IQGAP2: variants seen among roughly 807,000 people sequenced by gnomAD.
IQGAP2 encodes ras GTPase-activating-like protein IQGAP2.
In IQGAP2, 173 loss-of-function variants were observed where a neutral mutation model predicts 201.3. The observed-to-expected ratio is 0.86, with a 90% CI of 0.76 to 0.98. The LOEUF is 0.98. IQGAP2 is among the 50% of genes least tolerant of loss of function. The pLI, the probability that IQGAP2 is intolerant of heterozygous loss-of-function variation, is 0.00. For missense variants in IQGAP2, 1,687 were observed against 1,864.8 expected (o/e 0.90, Z 1.76); for synonymous variants, 675 against 673.9 (o/e 1.00, Z -0.03).
At chr5:76,593,551 T>A (rs1746806731) in intron 9 of IQGAP2, among the ~76,000 whole-genome samples, 1 of 152,180 alleles carries the variant, frequency 6.6e-6, no homozygotes, top group South Asian at 2.1e-4. Context: ...AAAATAAGCG[T>A]ATGCAGGTTG....
intron 1 of IQGAP2, among the ~76,000 whole-genome samples, chr5:76,456,321 C>T (rs547165442): frequency 3.9e-5 from 6 of 152,272 alleles, no homozygotes; most frequent in African/African-American, 1.2e-4. Context: ...CTAACAACTT[C>T]GGCCTAGGGT....
chr5:76,498,601 G>A lies in IQGAP2; in HGVS notation c.146+36932G>A, dbSNP rs184209445. ...CTCAGTTTTCTCCTTTGTGAAATAG[G>A]GAGACTCCCTTCTCTTAGGGTTTTT... On this transcript the variant is annotated intron_variant, in intron 2 of 35. Coordinates refer to ENST00000274364, the MANE Select transcript of IQGAP2 (RefSeq NM_006633.5). Among the ~76,000 whole-genome samples the A allele has an allele frequency of 6.9e-4, 105 of 152,270 alleles. 1 individual carries two copies. Among genetic ancestry groups the A allele is most frequent in the Middle Eastern group, 3.4e-3 (1 of 294 alleles).
chr5:76,618,437 G>A, intron 13 of IQGAP2: 1 of 1,614,184 alleles, frequency 6.2e-7, no homozygotes, highest in Non-Finnish European at 8.5e-7. Context: ...TACTTAAGGA[G>A]CTGGTCAGGT....
intron 1 of IQGAP2, among the ~76,000 whole-genome samples, chr5:76,458,103 T>G (rs1754211284): frequency 6.6e-6 from 1 of 152,228 alleles, no homozygotes; most frequent in Non-Finnish European, 1.5e-5. Flanking sequence ...CAGGAGGTAC[T>G]GGGCAAAGAA....
chr5:76,461,127 C>T (rs1317423389), intron 1 of IQGAP2, among the ~76,000 whole-genome samples: 3 of 151,968 alleles, frequency 2.0e-5, no homozygotes, highest in Non-Finnish European at 2.9e-5. Context: ...ATCCGCCCAC[C>T]TCAGCCTTCC....
At chr5:76,505,152 C>T (rs756348252) in intron 2 of IQGAP2, among the ~76,000 whole-genome samples, 8 of 152,212 alleles carry the variant, frequency 5.3e-5, no homozygotes, top group Non-Finnish European at 8.8e-5. Context: ...AGGGCTTTGT[C>T]TTTGCTTACA....
chr5:76,700,577 A>T (rs1020952413), intron 33 of IQGAP2, among the ~76,000 whole-genome samples: 4 of 152,212 alleles, frequency 2.6e-5, no homozygotes, highest in African/African-American at 9.7e-5. Flanking sequence ...GAGCTACATG[A>T]TATAGTATAT....
chr5:76,595,767 A>AG (rs1491248188), intron 9 of IQGAP2, among the ~76,000 whole-genome samples: 3 of 141,586 alleles, frequency 2.1e-5, no homozygotes, highest in South Asian at 4.3e-4. Context: ...TCAAAAAAAG[A>AG]AAGAGAGAGA....
At chr5:76,703,698 C>T (rs1288620028) in intron 35 of IQGAP2, among the ~76,000 whole-genome samples, 1 of 150,888 alleles carries the variant, frequency 6.6e-6, no homozygotes. Flanking sequence ...GTTCATCTGC[C>T]CCCAACTTCT....
At chr5:76,532,607 T>A (rs1279589703) in intron 2 of IQGAP2, among the ~76,000 whole-genome samples, 1 of 152,148 alleles carries the variant, frequency 6.6e-6, no homozygotes. Flanking sequence ...ATGAGGGTTC[T>A]TCAAAGACTC....
At chr5:76,700,459 G>A (rs1338726548) in intron 33 of IQGAP2, among the ~76,000 whole-genome samples, 1 of 152,034 alleles carries the variant, frequency 6.6e-6, no homozygotes. Flanking sequence ...CCAAGATCAC[G>A]CCACTGCACT....
chr5:76,623,252 T>A, intron 13 of IQGAP2: 1 of 1,613,634 alleles, frequency 6.2e-7, no homozygotes, highest in African/African-American at 1.3e-5. Flanking sequence ...GAGTCCCGTC[T>A]CTTAAACGTT....
intron 13 of IQGAP2, among the ~76,000 whole-genome samples, chr5:76,624,704 T>C (rs1158873626): frequency 6.6e-6 from 1 of 152,216 alleles, no homozygotes; most frequent in East Asian, 1.9e-4. Context: ...ATGTTGAACC[T>C]GGCTGTTTAA....
At chr5:76,684,012 G>T in intron 30 of IQGAP2, 95 bp downstream of exon 30, 1 of 1,114,430 alleles carries the variant, frequency 9.0e-7, no homozygotes, top group Non-Finnish European at 1.2e-6. Context: ...TTATTTAAAA[G>T]TATGTGAACA....
intron 1 of IQGAP2, among the ~76,000 whole-genome samples, chr5:76,447,746 G>A (rs981706362): frequency 1.4e-4 from 22 of 152,202 alleles, no homozygotes; most frequent in African/African-American, 2.9e-4. Context: ...TATGCAGCCC[G>A]TGGGGTACAC....
intron 2 of IQGAP2, among the ~76,000 whole-genome samples, chr5:76,485,793 G>A (rs1034831002): frequency 1.3e-5 from 2 of 152,214 alleles, no homozygotes; most frequent in African/African-American, 4.8e-5. Context: ...GGTATGCACT[G>A]CTGGGTCTGT....
At chr5:76,568,166 A>T (rs1744880141) in intron 3 of IQGAP2, among the ~76,000 whole-genome samples, 1 of 152,212 alleles carries the variant, frequency 6.6e-6, no homozygotes, top group African/African-American at 2.4e-5. Flanking sequence ...GAATCACAGG[A>T]TTCTGAAGTC....
At chr5:76,548,791 T>C (rs2150229939) in intron 2 of IQGAP2, among the ~76,000 whole-genome samples, 1 of 152,324 alleles carries the variant, frequency 6.6e-6, no homozygotes, top group South Asian at 2.1e-4. Context: ...GCATTATCAG[T>C]AGAGTGGGAG....
intron 20 of IQGAP2, among the ~76,000 whole-genome samples, chr5:76,657,894 T>G (rs1358641256): frequency 2.0e-5 from 3 of 152,342 alleles, no homozygotes; most frequent in Middle Eastern, 6.8e-3. Context: ...ATCTTTTTAT[T>G]TCAGCTAAGT....
Sources: allele counts gnomAD v4.1 joint callset (sites outside exome capture counted in the v4.1 genomes callset), GRCh38; gene constraint gnomAD v4.1.1; transcripts MANE v1.5; gene names NCBI Gene and HGNC (gene_info 2026-07-23, HGNC 2026-07-21).